The following EPHB1 variants were observed in gnomAD, a reference collection of about 807,000 sequenced individuals.
The protein encoded by EPHB1 is EPH receptor B1.
Under a neutral mutation model 94.4 loss-of-function variants are expected in EPHB1, and 30 were observed. The ratio of observed to expected loss-of-function variants is 0.32; its 90% confidence interval spans 0.24 to 0.43. The LOEUF (loss-of-function observed/expected upper bound fraction) is 0.43. Ranked by LOEUF, EPHB1 falls within the 20% of genes least tolerant of loss-of-function variation. The probability of loss-of-function intolerance (pLI) is 1.00; values close to 1 mark genes in which losing one functional copy is unlikely to be tolerated. For missense variants in EPHB1, 1,055 were observed against 1,308.3 expected, an observed-to-expected ratio of 0.81 and a Z score of 2.99; for synonymous variants, 522 against 489.1, an observed-to-expected ratio of 1.07 and a Z score of -0.89.
intron 11 of EPHB1, among the ~76,000 whole-genome samples, chr3:135,199,316 G>A (rs1008488843): frequency 6.6e-6 from 1 of 152,182 alleles, no homozygotes. Flanking sequence ...CAAATCCCCA[G>A]AGACCTACTT....
intron 3 of EPHB1, among the ~76,000 whole-genome samples, chr3:135,049,644 T>C (rs1432704488): frequency 1.3e-5 from 2 of 152,212 alleles, no homozygotes; most frequent in East Asian, 3.9e-4. Flanking sequence ...GTTAACCATT[T>C]ACAGAACCCA....
intron 4 of EPHB1, among the ~76,000 whole-genome samples, chr3:135,130,932 C>T (rs1210628224): frequency 1.3e-5 from 2 of 152,116 alleles, no homozygotes. Context: ...GGTATGAGTC[C>T]CATCAGTCAG....
chr3:134,997,437 C>T (rs16842460), intron 3 of EPHB1, among the ~76,000 whole-genome samples: 21,878 of 152,134 alleles, frequency 0.14, 1,696 homozygotes, highest in Non-Finnish European at 0.16. Context: ...TCTTTCATTT[C>T]TCTTCTTTAT....
chr3:134,949,224 C>A (rs940794364), intron 2 of EPHB1, among the ~76,000 whole-genome samples: 2 of 152,094 alleles, frequency 1.3e-5, no homozygotes, highest in Admixed American at 6.5e-5. Context: ...TGGTGAGGGA[C>A]TGGCAGGACT....
At chr3:135,070,920 T>C (rs189993018) in intron 3 of EPHB1, among the ~76,000 whole-genome samples, 2 of 152,312 alleles carry the variant, frequency 1.3e-5, no homozygotes, top group East Asian at 3.9e-4. Context: ...GCTCTTATTC[T>C]GCACATAGTA....
At chr3:135,022,697 CTGT>C (rs1202154186) in intron 3 of EPHB1, among the ~76,000 whole-genome samples, 1 of 152,260 alleles carries the variant, frequency 6.6e-6, no homozygotes, top group Admixed American at 6.5e-5. Flanking sequence ...ACAACACTGT[CTGT>C]TGTTGTATCC....
At chr3:135,082,817 G>A (rs919826992) in intron 3 of EPHB1, among the ~76,000 whole-genome samples, 3 of 152,212 alleles carry the variant, frequency 2.0e-5, no homozygotes, top group Admixed American at 1.3e-4. Context: ...ACAAGTCCAC[G>A]AGTATTGTCT....
chr3:135,005,597 A>G (rs1935370225), intron 3 of EPHB1, among the ~76,000 whole-genome samples: 1 of 152,192 alleles, frequency 6.6e-6, no homozygotes. Flanking sequence ...CTGCTGTGCT[A>G]GCAATCAGCG....
chr3:135,244,521 A>G (rs573868926), intron 13 of EPHB1, among the ~76,000 whole-genome samples: 2 of 152,292 alleles, frequency 1.3e-5, no homozygotes, highest in Non-Finnish European at 2.9e-5. Flanking sequence ...AGGACACCCT[A>G]TGCCTCCAAC....
At chr3:135,202,530 C>T (rs936416592) in intron 12 of EPHB1, among the ~76,000 whole-genome samples, 1 of 152,172 alleles carries the variant, frequency 6.6e-6, no homozygotes, top group East Asian at 1.9e-4. Context: ...TAACTGGTGT[C>T]CCTTTCCTTT....
chr3:135,080,574 G>C (rs1438268912), intron 3 of EPHB1, among the ~76,000 whole-genome samples: 3 of 152,092 alleles, frequency 2.0e-5, no homozygotes, highest in Admixed American at 2.0e-4. Context: ...TGGAGGAGAG[G>C]GGGGACAGCA....
chr3:135,023,312 T>A (rs1333303532), intron 3 of EPHB1, among the ~76,000 whole-genome samples: 1 of 152,194 alleles, frequency 6.6e-6, no homozygotes, highest in Non-Finnish European at 1.5e-5. Context: ...GTACAGCAGT[T>A]TTTCTCATCC....
At chr3:135,107,597 C>G (rs530082660) in intron 4 of EPHB1, among the ~76,000 whole-genome samples, 1 of 152,280 alleles carries the variant, frequency 6.6e-6, no homozygotes, top group South Asian at 2.1e-4. Context: ...CCTGCTTGGA[C>G]CAAATCCCTT....
intron 1 of EPHB1, among the ~76,000 whole-genome samples, chr3:134,885,515 G>A (rs1439704327): frequency 6.6e-6 from 1 of 152,194 alleles, no homozygotes; most frequent in South Asian, 2.1e-4. Flanking sequence ...GTATTTGAGA[G>A]GCAGTCCACC....
intron 1 of EPHB1, among the ~76,000 whole-genome samples, chr3:134,880,657 A>G (rs879347858): frequency 2.6e-5 from 4 of 152,164 alleles, no homozygotes; most frequent in Admixed American, 6.5e-5. Context: ...GGCTCATACC[A>G]CTGCTCAGCC....
Position 134,994,534 on chromosome 3 carries a change from C to T in EPHB1, c.805+42482C>T, listed in dbSNP as rs562757248. On this transcript the variant is annotated intron_variant, in intron 3 of 15. Transcript: ENST00000398015. ...TGGAATTTCTTGTCTGGCAAAATACCCATTGTGCCTGCCCCACCCTCAAGG... is the reference window on the plus strand; with the variant it reads ...TGGAATTTCTTGTCTGGCAAAATACTCATTGTGCCTGCCCCACCCTCAAGG... Among the ~76,000 whole-genome samples, 3 of 152,278 alleles carry T rather than the reference C, an allele frequency of 2.0e-5. No homozygotes were observed. The South Asian group carries it at 6.2e-4, about 32-fold the overall frequency.
intron 3 of EPHB1, among the ~76,000 whole-genome samples, chr3:135,100,791 A>G (rs533971927): frequency 6.6e-6 from 1 of 152,288 alleles, no homozygotes; most frequent in African/African-American, 2.4e-5. Context: ...TCTGGATACC[A>G]GCCAGAGGTG....
intron 11 of EPHB1, among the ~76,000 whole-genome samples, chr3:135,201,072 A>G (rs371687840): frequency 1.3e-5 from 2 of 152,008 alleles, no homozygotes; most frequent in African/African-American, 4.8e-5. Flanking sequence ...CCTTAATGCA[A>G]TGGGAGGCTA....
intron 3 of EPHB1, among the ~76,000 whole-genome samples, chr3:134,965,027 A>C (rs576883541): frequency 8.5e-5 from 13 of 152,350 alleles, no homozygotes; most frequent in African/African-American, 3.1e-4. Context: ...CAAAATGATT[A>C]ATAATCACAC....
Sources: gnomAD v4.1 joint callset for allele counts (sites outside exome capture counted in the v4.1 genomes callset) on GRCh38, gnomAD v4.1.1 for gene constraint, MANE v1.5 for transcripts, NCBI Gene and HGNC (gene_info 2026-07-23, HGNC 2026-07-21) for gene names.